CCDC137: variants seen among roughly 807,000 people sequenced by gnomAD.
The protein encoded by CCDC137 is coiled-coil domain containing 137, also known as coiled-coil domain-containing protein 137.
Under a neutral mutation model 30.4 loss-of-function variants are expected in CCDC137, and 24 were observed. The ratio of observed to expected loss-of-function variants is 0.79; its 90% CI spans 0.57 to 1.11. CCDC137 has a LOEUF of 1.11. CCDC137 is among the 50% of genes least tolerant of loss of function. The pLI, the probability that CCDC137 is intolerant of heterozygous loss-of-function variation, is 0.00. For synonymous variants in CCDC137, 182 were observed against 155.7 expected (o/e 1.17, Z -1.26); for missense variants, 417 against 380.4 (o/e 1.10, Z -0.80).
chr17:81,672,035 G>A, intron 4 of CCDC137, 41 bp from the exon 5 acceptor site: 1 of 1,607,872 alleles, frequency 6.2e-7, no homozygotes. Flanking sequence ...GGGGTGCAGT[G>A]GCTGTGGGCA....
Position 81,672,537 on chromosome 17 carries a change from G to C in CCDC137, c.703G>C (p.Gly235Arg). 6.4e-7 allele frequency: 1 copy of C among 1,568,560 alleles called. No individual in the cohort carries two copies. The highest frequency in any genetic ancestry group is 8.6e-7 in the Non-Finnish European group (1 of 1,156,762). Residue 235 changes from glycine to arginine, a missense_variant, in exon 6 of 6, where the codon GGT becomes CGT. Gly to Arg is a moderately radical substitution (Grantham distance 125). Coordinates refer to ENST00000329214, the MANE Select transcript of CCDC137 (RefSeq NM_199287.3). The part of the protein sequence containing the change: ...SQMLRMLLSP[G>R]GVSQPLTASL... ...GATGCTGCGGATGCTTCTGAGCCCC[G>C]GTGGTGTGTCCCAGCCTCTGACCGC...
At chr17:81,669,039 G>A (rs1276171267) in intron 2 of CCDC137, among the ~76,000 whole-genome samples, 16 of 152,132 alleles carry the variant, frequency 1.1e-4, no homozygotes, top group East Asian at 7.7e-4. Context: ...ACAGGCACAC[G>A]CCACCAAGCC....
rs192168570 is a variant in CCDC137 at position 81,673,172 on chromosome 17, G to T, written c.*468G>T. On this transcript the variant is annotated 3_prime_UTR_variant, in exon 6 of 6. Transcript: ENST00000329214. ...TGCAGGGGACCGTGACTACAGGCCA[G>T]CTGTGAGTGGTCCCCTACAGAGGCT... 1.6e-4 allele frequency: 27 copies of T among 167,994 alleles called. No homozygotes were observed. The highest frequency in any genetic ancestry group is 5.7e-4 in the African/African-American group (24 of 41,912). 10.4% of individuals were successfully genotyped at this position (167,994 alleles called of 1,614,324 possible).
intron 5 of CCDC137, 152 bp from the exon 6 acceptor site, chr17:81,672,343 A>G: frequency 1.1e-6 from 1 of 935,954 alleles, no homozygotes; most frequent in Non-Finnish European, 1.6e-6. Flanking sequence ...GTGTCAAGAA[A>G]AAAAAAAACC....
At position 81,666,906 on chromosome 17, in the gene CCDC137, T is replaced by G; in HGVS notation, c.134+6T>G. On this transcript the variant is annotated splice_donor_region_variant and intron_variant, in intron 1 of 5. Coordinates refer to ENST00000329214, the MANE Select transcript of CCDC137 (RefSeq NM_199287.3). Reference sequence around the variant, plus strand: ...CCGTGGCCCGGGCTTCGCAGGTGACTGCGCTGCCCCGCGAGGCCGCCACAC... The same window carrying G: ...CCGTGGCCCGGGCTTCGCAGGTGACGGCGCTGCCCCGCGAGGCCGCCACAC... 1.6e-6 allele frequency: 2 copies of G among 1,261,014 alleles called. No homozygotes were observed. The highest frequency in any genetic ancestry group is 2.0e-6 in the Non-Finnish European group (2 of 1,001,926). The allele number at this position is 1,261,014 out of a possible 1,614,324, so 78.1% of individuals were successfully genotyped here.
At position 81,666,828 on chromosome 17, in the gene CCDC137, G is replaced by C; in HGVS notation, c.62G>C (p.Arg21Pro). 7.4e-7 allele frequency: 1 copy of C among 1,349,746 alleles called. No individual in the cohort carries two copies. Among genetic ancestry groups the C allele is most frequent in the Non-Finnish European group, 9.5e-7 (1 of 1,047,602 alleles). 83.6% of individuals were successfully genotyped at this position (1,349,746 alleles called of 1,614,324 possible). ...GTGCAGGCGGGTCCTGGGAGTCCCC[G>C]GCGAGCGCGGGGGCGGCAGCAAGTG... ...SRVQAGPGSP[R>P]RARGRQQVQP... Residue 21 changes from arginine to proline, a missense_variant, in exon 1 of 6, where the codon CGG becomes CCG. By Grantham distance (103) the Arg-to-Pro change is moderately radical. Coordinates refer to ENST00000329214, the MANE Select transcript of CCDC137 (RefSeq NM_199287.3).
chr17:81,670,634 GT>G (rs1466142857), intron 3 of CCDC137, among the ~76,000 whole-genome samples, 181 bp downstream of exon 3: 1 of 152,210 alleles, frequency 6.6e-6, no homozygotes, highest in Non-Finnish European at 1.5e-5. Context: ...GCCAGTGAGG[GT>G]GTGGCCTCCA....
chr17:81,667,312 A>G (rs1421539704), intron 1 of CCDC137, among the ~76,000 whole-genome samples: 7 of 148,308 alleles, frequency 4.7e-5, no homozygotes, highest in African/African-American at 1.8e-4. Flanking sequence ...CCCTGTATAG[A>G]TAGATTCTTT....
At chr17:81,670,135 TC>T in intron 2 of CCDC137, 89 bp from the exon 3 acceptor site, 1 of 1,010,910 alleles carries the variant, frequency 9.9e-7, no homozygotes, top group South Asian at 1.6e-5. Flanking sequence ...GGTCTTCCCT[TC>T]CTGTGGCTTT....
rs376921756 is a variant in CCDC137, at chr17:81,670,320, G to A, written c.364G>A (p.Asp122Asn). 1.4e-5 allele frequency: 23 copies of A among 1,613,910 alleles called. No individual in the cohort carries two copies. In the South Asian group the frequency reaches 1.4e-4, roughly 10 times the overall value. Residue 122 changes from aspartate to asparagine, a missense_variant, in exon 3 of 6, where the codon GAC (aspartate) becomes AAC (asparagine). Asp to Asn is a conservative substitution (Grantham distance 23, BLOSUM62 1). Coordinates refer to ENST00000329214, the MANE Select transcript of CCDC137 (RefSeq NM_199287.3). ...GTTCAAACAGAGGAAGGGGGAGTCT[G>A]ACGGGGCCTATATCCACCGCATGCA... is the stretch of plus-strand genomic sequence containing the variant. ...PKFKQRKGESDGAYIHRMQQE... is the reference protein window; with the variant it reads ...PKFKQRKGESNGAYIHRMQQE...
intron 2 of CCDC137, 22 bp downstream of exon 2, chr17:81,667,884 G>C: frequency 1.2e-6 from 2 of 1,607,424 alleles, no homozygotes; most frequent in Non-Finnish European, 1.7e-6. Flanking sequence ...CCCATACTGG[G>C]CGGCAGTGAA....
chr17:81,670,522 G>A (rs55814747), intron 3 of CCDC137, 69 bp downstream of exon 3: 78,438 of 1,364,120 alleles, frequency 0.058, 3,481 homozygotes, highest in East Asian at 0.26. Flanking sequence ...TTCCCATGAC[G>A]GCCCTCTGCA....
At chr17:81,670,576 A>G in intron 3 of CCDC137, 123 bp downstream of exon 3, 2 of 828,584 alleles carry the variant, frequency 2.4e-6, no homozygotes, top group South Asian at 3.5e-5. Context: ...ATTCAGGGAG[A>G]CCAAGCCAGA....
intron 3 of CCDC137, among the ~76,000 whole-genome samples, chr17:81,671,140 A>G (rs9899960): frequency 2.3e-4 from 32 of 140,158 alleles, no homozygotes; most frequent in Non-Finnish European, 3.4e-4. Context: ...CAAAAAAAAG[A>G]AAAAAAAAAA....
intron 2 of CCDC137, 43 bp from the exon 3 acceptor site, chr17:81,670,182 C>A (rs1598733491): frequency 6.7e-7 from 1 of 1,501,404 alleles, no homozygotes; most frequent in Non-Finnish European, 9.1e-7. Context: ...CTGCCTGCCA[C>A]TGTCTGCCTC....
chr17:81,668,631 C>T (rs997055528), intron 2 of CCDC137, among the ~76,000 whole-genome samples: 18 of 152,162 alleles, frequency 1.2e-4, no homozygotes, highest in South Asian at 2.1e-4. Flanking sequence ...AGGGAGGAGG[C>T]GCACTGGCCT....
At position 81,672,131 on chromosome 17, in the gene CCDC137, C is replaced by G. The variant is rs1321063305; in HGVS notation, c.636C>G (p.Pro212=). 9 of 1,614,010 alleles carry G rather than the reference C, an allele frequency of 5.6e-6. No homozygotes were observed. Among genetic ancestry groups the G allele is most frequent in the Non-Finnish European group, 7.6e-6 (9 of 1,179,954 alleles). The change falls in exon 5 of 6, where the codon CCC becomes CCG. Residue 212 remains proline, a synonymous_variant. Transcript: ENST00000329214. ...AGCCCCCAGAGCTGACTGCCAGGCCCCAGAGGAGCGTAAGCAAGGACCAGG... is the reference window on the plus strand; with the variant it reads ...AGCCCCCAGAGCTGACTGCCAGGCCGCAGAGGAGCGTAAGCAAGGACCAGG... The part of the protein sequence containing the change: ...VLQPPELTAR[P]QRSVSKDQPG...
rs553457215 is a variant in CCDC137 at position 81,673,134 on chromosome 17, C to T, written c.*430C>T. 2.6e-5 allele frequency: 5 copies of T among 190,648 alleles called. No individual in the cohort carries two copies. Among genetic ancestry groups the T allele is most frequent in the Admixed American group, 1.1e-4 (2 of 18,718 alleles). 11.8% of individuals were successfully genotyped at this position (190,648 alleles called of 1,614,324 possible). A position where few individuals can be genotyped will look rare whatever the true frequency, so the allele number is the denominator to read the frequency against. ...CAGGCCACGGGCAGGGACGACGCAT[C>T]GGGACAGGGCTCTGCAGGGGACCGT... On this transcript the variant is annotated 3_prime_UTR_variant, in exon 6 of 6. Coordinates refer to ENST00000329214, the MANE Select transcript of CCDC137 (RefSeq NM_199287.3).
Position 81,667,842 on chromosome 17 carries a change from A to G in CCDC137, c.248A>G (p.Asn83Ser). The G allele has an allele frequency of 6.2e-7, 1 of 1,611,888 alleles. No homozygotes were observed. The highest frequency in any genetic ancestry group is 8.5e-7 in the Non-Finnish European group (1 of 1,179,968). ...CAAGAGATGAAAAACCCGATCAGTA[A>G]CAAGAAGAGGAAGAAAGCAGGTGTG... is the stretch of plus-strand genomic sequence containing the variant. The part of the protein sequence containing the change: ...SRQEMKNPIS[N>S]KKRKKAAQVT... The change falls in exon 2 of 6, where the codon AAC becomes AGC. Residue 83 changes from asparagine (N) to serine (S), a missense_variant. Coordinates refer to ENST00000329214, the MANE Select transcript of CCDC137 (RefSeq NM_199287.3).
Sources: gnomAD v4.1 joint callset for allele counts (sites outside exome capture counted in the v4.1 genomes callset) on GRCh38, gnomAD v4.1.1 for gene constraint, MANE v1.5 for transcripts, NCBI Gene and HGNC (gene_info 2026-07-23, HGNC 2026-07-21) for gene names.